The following TLR7 variants were observed in gnomAD, a reference collection of about 807,000 sequenced individuals.
TLR7 encodes toll-like receptor 7.
Under a neutral mutation model 38.3 loss-of-function variants are expected in TLR7, and 12 were observed. The ratio of observed to expected loss-of-function variants is 0.31; its 90% CI spans 0.20 to 0.51. The LOEUF is 0.51. Among genes scored for constraint, TLR7 ranks in the 20% least tolerant of loss-of-function variants. The probability of loss-of-function intolerance (pLI) is 0.98; values close to 1 mark genes in which losing one functional copy is unlikely to be tolerated. For synonymous variants in TLR7, 285 were observed against 293.8 expected (o/e 0.97, Z 0.31); for missense variants, 504 against 743.4 (o/e 0.68, Z 3.74).
In TLR7 at chrX:12,886,101, A is replaced by G. The variant is rs2042910239; in HGVS notation, c.593A>G (p.Asp198Gly). The change falls in exon 3 of 3, where the codon GAT (aspartate) becomes GGT (glycine). Residue 198 changes from aspartate to glycine, a missense_variant. Physicochemically the swap from Asp to Gly is moderately conservative, Grantham distance 94. Transcript: ENST00000380659. ...PCYVSYSIEK[D>G]AFLNLTKLKV... ...TATGTTTCATATTCAATAGAGAAAG[A>G]TGCCTTCCTAAACTTGACAAAGTTA... is the stretch of plus-strand genomic sequence containing the variant. 1 of 1,211,631 alleles carries G rather than the reference A, an allele frequency of 8.3e-7. No homozygotes were observed. Among genetic ancestry groups the G allele is most frequent in the Non-Finnish European group, 1.1e-6 (1 of 895,156 alleles).
intron 2 of TLR7, among the ~76,000 whole-genome samples, chrX:12,870,586 G>A (rs2068118184): frequency 1.8e-5 from 2 of 111,611 alleles, no homozygotes; most frequent in South Asian, 7.5e-4. Flanking sequence ...ACTCACCGAA[G>A]TTTAGGGCTG....
Position 12,888,060 on chromosome X carries a change from T to TTG in TLR7, c.2552_2553insTG (p.Phe852AlafsTer5). On this transcript the variant is annotated frameshift_variant, in exon 3 of 3. Coordinates refer to ENST00000380659, the MANE Select transcript of TLR7 (RefSeq NM_016562.4). LOFTEE classifies it high-confidence loss of function. ...TTCTCACTTTCCATATCTGTATCTC[T>TTG]CTTTCTCATGGTGATGATGACAGCA... 8.3e-7 allele frequency: 1 copy of TTG among 1,211,790 alleles called. No individual in the cohort carries two copies.
chrX:12,881,176 G>A (rs1227290081), intron 2 of TLR7, among the ~76,000 whole-genome samples: 3 of 108,824 alleles, frequency 2.8e-5, no homozygotes, highest in East Asian at 2.9e-4. Context: ...GCAGTGAACC[G>A]AGATTATGCC....
chrX:12,884,311 A>G (rs1354098168), intron 2 of TLR7, among the ~76,000 whole-genome samples: 1 of 112,023 alleles, frequency 8.9e-6, no homozygotes, highest in Non-Finnish European at 1.9e-5. Flanking sequence ...AGATAACAAC[A>G]TGATTGGTTG....
In TLR7 at chrX:12,889,790, G is replaced by A. The variant is rs186028172; in HGVS notation, c.*1132G>A. ...TTTTGTTAACTAATGCCATATATTT[G>A]TAAGTATCTGCACACTTGATACAGC... is the stretch of plus-strand genomic sequence containing the variant. On this transcript the variant is annotated 3_prime_UTR_variant, in exon 3 of 3. Transcript: ENST00000380659. The A allele has an allele frequency of 6.2e-5, 7 of 112,623 alleles. No homozygotes were observed. Among genetic ancestry groups the A allele is most frequent in the African/African-American group, 1.9e-4 (6 of 31,060 alleles). 9.3% of individuals were successfully genotyped at this position (112,623 alleles called of 1,213,427 possible).
At position 12,872,996 on chromosome X, in the gene TLR7, G is replaced by C. The variant is rs188669626; in HGVS notation, c.3+5415G>C. ...AGACCGCCATCCATGGAATGGTAGA[G>C]AAAGCCCAACATGCTCAGGGACACT... On this transcript the variant is annotated intron_variant, in intron 2 of 2. Coordinates refer to ENST00000380659, the MANE Select transcript of TLR7 (RefSeq NM_016562.4). Among the ~76,000 whole-genome samples the C allele has an allele frequency of 2.2e-4, 24 of 110,922 alleles. No individual in the cohort carries two copies. In the East Asian group the frequency reaches 6.0e-3, roughly 28 times the overall value.
chrX:12,881,536 AAAT>A lies in TLR7; in HGVS notation c.4-3970_4-3968del, dbSNP rs1418409493. Among the ~76,000 whole-genome samples the A allele has an allele frequency of 2.3e-3, 236 of 104,113 alleles. 2 individuals are homozygous for A. The highest frequency in any genetic ancestry group is 3.1e-3 in the Non-Finnish European group (162 of 52,094). The allele number at this position is 104,113 out of a possible 115,157, so 90.4% of individuals were successfully genotyped here. ...AACTGAGTTATTTATTCTTTTTAATAAATAATAAATGAGTTATTTATTCTTTTT... is the reference window on the plus strand; with the variant it reads ...AACTGAGTTATTTATTCTTTTTAATAAATAAATGAGTTATTTATTCTTTTT... On this transcript the variant is annotated intron_variant, in intron 2 of 2. Transcript: ENST00000380659.
chrX:12,882,521 A>G (rs2042896263), intron 2 of TLR7, among the ~76,000 whole-genome samples: 1 of 111,579 alleles, frequency 9.0e-6, no homozygotes, highest in Non-Finnish European at 1.9e-5. Context: ...GAGGCTAAAA[A>G]TTTCACAGTC....
intron 2 of TLR7, among the ~76,000 whole-genome samples, chrX:12,870,838 T>G (rs991283769): frequency 2.7e-5 from 3 of 112,340 alleles, no homozygotes; most frequent in Non-Finnish European, 5.6e-5. Context: ...TTCAAGGAGT[T>G]GGGTAGTGTG....
In TLR7 at chrX:12,882,361, A is replaced by C. The variant is rs5743769; in HGVS notation, c.4-3151A>C. Among the ~76,000 whole-genome samples, 396 of 111,122 alleles carry C rather than the reference A, an allele frequency of 3.6e-3. 1 individual carries two copies. Among genetic ancestry groups the C allele is most frequent in the Non-Finnish European group, 5.9e-3 (311 of 52,965 alleles). On this transcript the variant is annotated intron_variant, in intron 2 of 2. Coordinates refer to ENST00000380659, the MANE Select transcript of TLR7 (RefSeq NM_016562.4). ...AATTTGGAGTCTAGCATAGTGGTCC[A>C]GATGAGACCTAATGACTAATTGGAG...
In TLR7 at chrX:12,886,147, T is replaced by C. The variant is rs181910116; in HGVS notation, c.639T>C (p.Asp213=). The C allele has an allele frequency of 2.8e-5, 34 of 1,210,472 alleles. No homozygotes were observed. The Middle Eastern group carries it at 9.2e-4, about 33-fold the overall frequency. Residue 213 remains aspartate (D), a synonymous_variant, in exon 3 of 3, where the codon GAT becomes GAC. Transcript: ENST00000380659. ...LTKLKVLSLK[D]NNVTAVPTVL... is the part of the protein sequence containing the mutation. ...AGTTAAAAGTGCTCTCCCTGAAAGA[T>C]AACAATGTCACAGCCGTCCCTACTG... is the stretch of plus-strand genomic sequence containing the variant.
rs778453577 is a variant in TLR7, at chrX:12,886,951, G to A, written c.1443G>A (p.Glu481=). 8.3e-7 allele frequency: 1 copy of A among 1,210,903 alleles called. No individual in the cohort carries two copies. The highest frequency in any genetic ancestry group is 1.1e-6 in the Non-Finnish European group (1 of 895,165). ...GGAGTTGCAGATTCAAAAACAAAGA[G>A]GCTTCTTTCATGTCTGTTAATGAAA... ...YARSCRFKNK[E]ASFMSVNESC... Residue 481 remains glutamate (E), a synonymous_variant, in exon 3 of 3, where the codon GAG becomes GAA. Coordinates refer to ENST00000380659, the MANE Select transcript of TLR7 (RefSeq NM_016562.4).
intron 2 of TLR7, among the ~76,000 whole-genome samples, chrX:12,874,865 T>A (rs1196314735): frequency 8.9e-6 from 1 of 112,122 alleles, no homozygotes; most frequent in Non-Finnish European, 1.9e-5. Context: ...TCCTTCTCAC[T>A]CCTCTGATTG....
At chrX:12,876,647 C>G (rs780309991) in intron 2 of TLR7, among the ~76,000 whole-genome samples, 2 of 112,337 alleles carry the variant, frequency 1.8e-5, no homozygotes, top group South Asian at 7.3e-4. Context: ...AAAAAATACA[C>G]AAATCATGGT....
At chrX:12,869,132 G>C (rs755222807) in intron 2 of TLR7, among the ~76,000 whole-genome samples, 1 of 111,757 alleles carries the variant, frequency 8.9e-6, no homozygotes, top group South Asian at 3.7e-4. Flanking sequence ...ACCAAGCCCA[G>C]CACACACGCA....
chrX:12,869,745 AC>A (rs1289200930), intron 2 of TLR7, among the ~76,000 whole-genome samples: 2 of 109,281 alleles, frequency 1.8e-5, no homozygotes, highest in Admixed American at 9.9e-5. Context: ...ACTTAAAAAA[AC>A]AAGCAATAAA....
chrX:12,871,436 A>G (rs1313564706), intron 2 of TLR7, among the ~76,000 whole-genome samples: 2 of 111,655 alleles, frequency 1.8e-5, no homozygotes, highest in African/African-American at 6.5e-5. Flanking sequence ...AAGTCAATGA[A>G]TTTGAGGGCA....
At chrX:12,874,962 GT>G (rs11397372) in intron 2 of TLR7, among the ~76,000 whole-genome samples, 1,996 of 101,892 alleles carry the variant, frequency 0.02, 38 homozygotes, top group African/African-American at 0.056. Context: ...CTTGGTAAAT[GT>G]TTTTTTTTTT....
chrX:12,873,105 T>C (rs1480354129), intron 2 of TLR7, among the ~76,000 whole-genome samples: 1 of 111,875 alleles, frequency 8.9e-6, no homozygotes, highest in Non-Finnish European at 1.9e-5. Context: ...GTGAATATTC[T>C]AGCATGTTTT....
Sources: gnomAD v4.1 joint callset for allele counts (sites outside exome capture counted in the v4.1 genomes callset) on GRCh38, gnomAD v4.1.1 for gene constraint, MANE v1.5 for transcripts, NCBI Gene and HGNC (gene_info 2026-07-23, HGNC 2026-07-21) for gene names.